Variants in GPC3 observed in about 807,000 individuals in gnomAD.
GPC3 encodes glypican 3, also known as glypican-3.
Under a neutral mutation model 34.4 loss-of-function variants are expected in GPC3, and 3 were observed. The observed-to-expected ratio is 0.09, with a 90% CI of 0.04 to 0.23. GPC3 has a LOEUF of 0.23. Ranked by LOEUF, GPC3 falls within the 10% of genes least tolerant of loss-of-function variation. GPC3 has a pLI of 1.00. For synonymous variants in GPC3, 177 were observed against 174.0 expected (o/e 1.02, Z -0.13); for missense variants, 351 against 445.6 (o/e 0.79, Z 1.91).
At chrX:133,764,916 T>C (rs908426345) in intron 2 of GPC3, among the ~76,000 whole-genome samples, 23 of 111,625 alleles carry the variant, frequency 2.1e-4, no homozygotes, top group African/African-American at 7.2e-4. Flanking sequence ...GATTGGAAAA[T>C]AGTCTTACTT....
At chrX:133,766,631 G>A (rs769256033) in intron 2 of GPC3, among the ~76,000 whole-genome samples, 3 of 111,721 alleles carry the variant, frequency 2.7e-5, no homozygotes, top group East Asian at 2.8e-4. Context: ...ATGTGTACTC[G>A]TGCATGCATG....
intron 2 of GPC3, among the ~76,000 whole-genome samples, chrX:133,805,444 A>G (rs1177041474): frequency 1.8e-5 from 2 of 111,981 alleles, no homozygotes; most frequent in Non-Finnish European, 3.8e-5. Flanking sequence ...TTCTATGCCA[A>G]AGTTAGAGCT....
chrX:133,881,251 C>G (rs1038626531), intron 2 of GPC3, among the ~76,000 whole-genome samples: 3 of 111,717 alleles, frequency 2.7e-5, no homozygotes, highest in Admixed American at 9.5e-5. Flanking sequence ...CGCTGACACT[C>G]ATCTAGAGAC....
Position 133,762,580 on chromosome X carries a change from A to G in GPC3, c.338-8404T>C, listed in dbSNP as rs774549395. On this transcript the variant is annotated intron_variant, in intron 2 of 7. Transcript: ENST00000370818. ...ATGAACACACACTTCTCAAAAGAAG[A>G]CATAAAAGTAGCCAACAAACATACG... Among the ~76,000 whole-genome samples, 7 of 112,299 alleles carry G rather than the reference A, an allele frequency of 6.2e-5. No individual in the cohort carries two copies. In the East Asian group the frequency reaches 2.0e-3, roughly 31 times the overall value.
At chrX:133,855,530 G>GAGATATATATATATATATAT (rs2075896464) in intron 2 of GPC3, among the ~76,000 whole-genome samples, 1 of 91,196 alleles carries the variant, frequency 1.1e-5, no homozygotes, top group Admixed American at 1.2e-4. Context: ...GCTGTTACAA[G>GAGATATATATATATATATAT]ATATATATAT....
chrX:133,924,400 G>A (rs1015244887), intron 2 of GPC3, among the ~76,000 whole-genome samples: 1 of 111,108 alleles, frequency 9.0e-6, no homozygotes, highest in Admixed American at 9.6e-5. Flanking sequence ...CTAGAAGCGA[G>A]TGCAGCCCCT....
chrX:133,846,628 AACTC>A (rs1306631712), intron 2 of GPC3, among the ~76,000 whole-genome samples: 2 of 111,742 alleles, frequency 1.8e-5, no homozygotes, highest in Non-Finnish European at 3.8e-5. Flanking sequence ...GAAAAGGCAG[AACTC>A]ACTCAGTTCT....
At chrX:133,568,735 C>T (rs1219387455) in intron 7 of GPC3, among the ~76,000 whole-genome samples, 1 of 110,086 alleles carries the variant, frequency 9.1e-6, no homozygotes, top group Non-Finnish European at 1.9e-5. Flanking sequence ...TATATAGAGA[C>T]TGAGAGGAGG....
chrX:133,802,590 G>A (rs1252505340), intron 2 of GPC3, among the ~76,000 whole-genome samples: 1 of 112,332 alleles, frequency 8.9e-6, no homozygotes, highest in South Asian at 3.7e-4. Flanking sequence ...AAGGCTGAAT[G>A]TCAACGACCC....
At position 133,872,956 on chromosome X, in the gene GPC3, C is replaced by T. The variant is rs1178787474; in HGVS notation, c.337+80094G>A. On this transcript the variant is annotated intron_variant, in intron 2 of 7. Transcript: ENST00000370818. ...CACTTAGTGGCAAGTGCCAAGATGGCTAACATGTTTAAAAGGCACCTACAA... is the reference window on the plus strand; with the variant it reads ...CACTTAGTGGCAAGTGCCAAGATGGTTAACATGTTTAAAAGGCACCTACAA... Among the ~76,000 whole-genome samples the T allele has an allele frequency of 2.7e-5, 3 of 112,866 alleles. No homozygotes were observed. In the East Asian group the frequency reaches 8.4e-4, roughly 31 times the overall value.
At chrX:133,628,247 C>G (rs1268921930) in intron 6 of GPC3, among the ~76,000 whole-genome samples, 2 of 112,230 alleles carry the variant, frequency 1.8e-5, no homozygotes, top group Admixed American at 9.4e-5. Flanking sequence ...ACAGTGTGTC[C>G]TGACATTAAT....
At chrX:133,589,557 G>A (rs1002237255) in intron 7 of GPC3, among the ~76,000 whole-genome samples, 2 of 109,961 alleles carry the variant, frequency 1.8e-5, no homozygotes, top group Non-Finnish European at 3.8e-5. Flanking sequence ...TGTATTTTTA[G>A]TAGAGGCGGG....
At chrX:133,733,918 A>C (rs774860698) in intron 3 of GPC3, among the ~76,000 whole-genome samples, 4 of 112,176 alleles carry the variant, frequency 3.6e-5, no homozygotes, top group Non-Finnish European at 7.5e-5. Flanking sequence ...CCACAAAAAA[A>C]AGCATAGGAT....
chrX:133,851,718 A>T (rs1244477275), intron 2 of GPC3, among the ~76,000 whole-genome samples: 1 of 112,141 alleles, frequency 8.9e-6, no homozygotes, highest in East Asian at 2.8e-4. Context: ...AATCAGCTAT[A>T]CATTTTCATA....
intron 2 of GPC3, among the ~76,000 whole-genome samples, chrX:133,895,857 C>G (rs1364831491): frequency 1.8e-5 from 2 of 111,432 alleles, no homozygotes; most frequent in East Asian, 5.6e-4. Context: ...AGAGAGTTCC[C>G]TCGCAGGCAA....
chrX:133,721,352 T>TAA (rs1401839550), intron 3 of GPC3, among the ~76,000 whole-genome samples: 64 of 91,949 alleles, frequency 7.0e-4, no homozygotes, highest in Non-Finnish European at 7.8e-4. Context: ...TTCACAGAAA[T>TAA]AAAAAAAAAA....
intron 2 of GPC3, among the ~76,000 whole-genome samples, chrX:133,938,764 ATATGTTTGCACTG>A (rs2076332813): frequency 8.9e-6 from 1 of 112,085 alleles, no homozygotes; most frequent in Admixed American, 9.5e-5. Context: ...ATGTACAAAC[ATATGTTTGCACTG>A]TTACAGTTTT....
At chrX:133,652,264 A>AGTGG (rs1187006933) in intron 6 of GPC3, among the ~76,000 whole-genome samples, 1 of 111,903 alleles carries the variant, frequency 8.9e-6, no homozygotes, top group Non-Finnish European at 1.9e-5. Context: ...CTTGAATGTA[A>AGTGG]CTAACCTGAA....
intron 3 of GPC3, among the ~76,000 whole-genome samples, chrX:133,716,636 T>C (rs73559399): frequency 0.054 from 5,968 of 111,164 alleles, 421 homozygotes; most frequent in African/African-American, 0.18. Context: ...CTGAGGAAGA[T>C]GAAGAAAAAA....
Sources: gnomAD v4.1 joint callset for allele counts (sites outside exome capture counted in the v4.1 genomes callset) on GRCh38, gnomAD v4.1.1 for gene constraint, MANE v1.5 for transcripts, NCBI Gene and HGNC (gene_info 2026-07-23, HGNC 2026-07-21) for gene names.